TMEM131L: variants seen among roughly 807,000 people sequenced by gnomAD.
The protein encoded by TMEM131L is transmembrane protein 131-like.
In TMEM131L, 54 loss-of-function variants were observed where a neutral mutation model predicts 192.2. That is an observed-to-expected ratio of 0.28 (90% CI 0.23 to 0.35). TMEM131L has a LOEUF of 0.35. Ranked by LOEUF, TMEM131L falls within the 10% of genes least tolerant of loss-of-function variation. The pLI is 1.00. For synonymous variants in TMEM131L, 701 were observed against 704.9 expected, an observed-to-expected ratio of 0.99 and a Z score of 0.09; for missense variants, 1,888 against 1,972.9, an observed-to-expected ratio of 0.96 and a Z score of 0.82.
intron 6 of TMEM131L, 84 bp downstream of exon 6, chr4:153,557,166 G>A (rs982619273): frequency 1.4e-6 from 1 of 692,246 alleles, no homozygotes; most frequent in African/African-American, 1.8e-5. Flanking sequence ...AAAGACTTTT[G>A]GAAATGTTGT....
intron 3 of TMEM131L, among the ~76,000 whole-genome samples, chr4:153,531,680 TATCTCTGTTTATAGTTAAAGGAAAAA>T (rs1735913378): frequency 6.6e-6 from 1 of 152,246 alleles, no homozygotes; most frequent in Non-Finnish European, 1.5e-5. Flanking sequence ...TATATTTTCT[TATCTCTGTTTATAGTTAAAGGAAAAA>T]GACAATGGAA....
At chr4:153,569,360 T>A (rs2150591132) in intron 7 of TMEM131L, among the ~76,000 whole-genome samples, 1 of 152,296 alleles carries the variant, frequency 6.6e-6, no homozygotes, top group Non-Finnish European at 1.5e-5. Context: ...CTGTTGAGTT[T>A]GCCCCTAGAC....
At chr4:153,627,839 G>A (rs1733956765) in intron 31 of TMEM131L, 152 bp downstream of exon 31, 2 of 631,240 alleles carry the variant, frequency 3.2e-6, no homozygotes, top group South Asian at 3.8e-5. Flanking sequence ...CATACATCAG[G>A]AAGGCACCTA....
intron 3 of TMEM131L, 79 bp downstream of exon 3, chr4:153,473,967 T>C (rs1731345612): frequency 3.3e-6 from 3 of 922,450 alleles, no homozygotes; most frequent in African/African-American, 3.4e-5. Context: ...TCTCAGTATA[T>C]GTCCATGTTT....
intron 19 of TMEM131L, among the ~76,000 whole-genome samples, chr4:153,595,714 C>CA (rs554812612): frequency 0.019 from 1,542 of 79,758 alleles, 17 homozygotes; most frequent in Middle Eastern, 0.07. Flanking sequence ...AGTTTTATGC[C>CA]AAAAAAAAAA....
chr4:153,583,914 C>T (rs758893400), intron 11 of TMEM131L, among the ~76,000 whole-genome samples: 9 of 152,118 alleles, frequency 5.9e-5, no homozygotes, highest in South Asian at 2.1e-4. Context: ...GTGTTGATAA[C>T]GATTAGGAAG....
intron 2 of TMEM131L, 89 bp downstream of exon 2, chr4:153,467,370 CGGCACA>C: frequency 8.8e-7 from 1 of 1,138,416 alleles, no homozygotes; most frequent in Non-Finnish European, 1.3e-6. Context: ...CCTGTCCAAG[CGGCACA>C]GGCGTTCGGG....
At chr4:153,548,566 G>A (rs1256246369) in intron 3 of TMEM131L, among the ~76,000 whole-genome samples, 1 of 152,182 alleles carries the variant, frequency 6.6e-6, no homozygotes, top group African/African-American at 2.4e-5. Context: ...GCCTCCCAAA[G>A]TGCTGGGATT....
At chr4:153,582,255 GT>G (rs571988110) in intron 9 of TMEM131L, among the ~76,000 whole-genome samples, 2 of 150,874 alleles carry the variant, frequency 1.3e-5, no homozygotes, top group South Asian at 2.1e-4. Context: ...TTCTGTTTTT[GT>G]TTTTTTTAGA....
chr4:153,596,124 C>G, intron 19 of TMEM131L, 134 bp from the exon 20 acceptor site: 3 of 1,031,194 alleles, frequency 2.9e-6, no homozygotes, highest in Non-Finnish European at 4.3e-6. Flanking sequence ...TAAGCAAGTT[C>G]TAACAGGTTG....
At chr4:153,563,129 A>T (rs1206583145) in intron 7 of TMEM131L, among the ~76,000 whole-genome samples, 1 of 152,246 alleles carries the variant, frequency 6.6e-6, no homozygotes, top group African/African-American at 2.4e-5. Flanking sequence ...ATCCCTGAAC[A>T]TAAATAGTCT....
intron 3 of TMEM131L, among the ~76,000 whole-genome samples, chr4:153,504,372 T>C (rs1303936605): frequency 7.4e-6 from 1 of 135,212 alleles, no homozygotes; most frequent in Non-Finnish European, 1.6e-5. Context: ...CTCCACCTTC[T>C]GGGTTCAAGT....
At chr4:153,576,174 A>G (rs1729926600) in intron 7 of TMEM131L, among the ~76,000 whole-genome samples, 1 of 151,946 alleles carries the variant, frequency 6.6e-6, no homozygotes. Context: ...GTTAGCCAGG[A>G]TGGTCTTGAT....
intron 29 of TMEM131L, among the ~76,000 whole-genome samples, chr4:153,623,693 C>T (rs1733615476): frequency 6.6e-6 from 1 of 152,204 alleles, no homozygotes; most frequent in African/African-American, 2.4e-5. Context: ...ATTTCCTTCC[C>T]TTTTATTGCC....
intron 6 of TMEM131L, among the ~76,000 whole-genome samples, chr4:153,557,619 G>T (rs771716112): frequency 1.3e-5 from 2 of 152,164 alleles, no homozygotes; most frequent in South Asian, 4.1e-4. Context: ...AATGGTACCT[G>T]ATATGGCATT....
intron 25 of TMEM131L, among the ~76,000 whole-genome samples, chr4:153,606,887 A>G (rs967147194): frequency 1.3e-5 from 2 of 152,212 alleles, no homozygotes; most frequent in African/African-American, 2.4e-5. Context: ...ACAGTCCTCT[A>G]CGTGTCTGCA....
intron 7 of TMEM131L, among the ~76,000 whole-genome samples, chr4:153,571,265 GGTTCTCCTT>G (rs975883283): frequency 2.2e-4 from 34 of 152,104 alleles, no homozygotes; most frequent in African/African-American, 8.2e-4. Flanking sequence ...TGTCCTGCCT[GGTTCTCCTT>G]TAATGGTTTC....
intron 15 of TMEM131L, among the ~76,000 whole-genome samples, chr4:153,588,272 GT>G (rs536641354): frequency 4.7e-4 from 59 of 126,090 alleles, no homozygotes; most frequent in African/African-American, 5.1e-4. Flanking sequence ...CTTGTTTTGA[GT>G]TTTTTTTTTT....
chr4:153,595,674 T>G (rs1159549665), intron 19 of TMEM131L, among the ~76,000 whole-genome samples: 1 of 149,778 alleles, frequency 6.7e-6, no homozygotes, highest in Non-Finnish European at 1.5e-5. Flanking sequence ...ATAAAAAGAA[T>G]TAAACCTTGG....
Sources: gnomAD v4.1 joint callset for allele counts (sites outside exome capture counted in the v4.1 genomes callset) on GRCh38, gnomAD v4.1.1 for gene constraint, MANE v1.5 for transcripts, NCBI Gene and HGNC (gene_info 2026-07-23, HGNC 2026-07-21) for gene names.